BRD4: variants seen among roughly 807,000 people sequenced by gnomAD.
BRD4 encodes the protein bromodomain-containing protein 4.
BRD4 carries 16 observed loss-of-function variants against 142.1 expected under a neutral mutation model. The ratio of observed to expected loss-of-function variants is 0.11; its 90% CI spans 0.08 to 0.17. The LOEUF is 0.17. Among genes scored for constraint, BRD4 ranks in the 10% least tolerant of loss-of-function variants. The probability of loss-of-function intolerance (pLI) is 1.00; values close to 1 mark genes in which losing one functional copy is unlikely to be tolerated. For missense variants in BRD4, 1,424 were observed against 1,810.9 expected (o/e 0.79, Z 3.88); for synonymous variants, 833 against 707.5 (o/e 1.18, Z -2.82).
intron 2 of BRD4, among the ~76,000 whole-genome samples, chr19:15,269,698 C>T (rs1365999409): frequency 2.6e-5 from 4 of 152,158 alleles, no homozygotes; most frequent in Middle Eastern, 3.2e-3. Flanking sequence ...TCTGGACAGC[C>T]TTCACAATCC....
At chr19:15,246,839 G>T (rs1028375736) in intron 11 of BRD4, among the ~76,000 whole-genome samples, 2 of 152,308 alleles carry the variant, frequency 1.3e-5, no homozygotes, top group East Asian at 1.9e-4. Flanking sequence ...CCTAAAAAGT[G>T]GGGGAGAGAA....
intron 1 of BRD4, among the ~76,000 whole-genome samples, chr19:15,298,603 A>C: frequency 8.8e-6 from 1 of 114,084 alleles, no homozygotes; most frequent in Non-Finnish European, 1.7e-5. Context: ...CCTGGGCAAC[A>C]GGGCGAGACT....
chr19:15,330,804 T>C (rs1490860579), intron 1 of BRD4, among the ~76,000 whole-genome samples: 2 of 152,152 alleles, frequency 1.3e-5, no homozygotes. Context: ...ATAAAACAGA[T>C]TGTGCCATCA....
At position 15,235,555 on chromosome 19, in the gene BRD4, T is replaced by C. The variant is rs2047186280; in HGVS notation, c.*2822A>G. The C allele has an allele frequency of 7.6e-6, 1 of 130,866 alleles. No homozygotes were observed. The highest frequency in any genetic ancestry group is 8.3e-5 in the Admixed American group (1 of 12,036). The allele number at this position is 130,866 out of a possible 1,614,324, so 8.1% of individuals were successfully genotyped here. ...TCAGTACAAATGTTTATTTTTGCAA[T>C]GAGAACTGCACAAAAAAAAAAAAAA... On this transcript the variant is annotated 3_prime_UTR_variant, in exon 20 of 20. Transcript: ENST00000679869.
chr19:15,270,689 A>G (rs913159837), intron 2 of BRD4, among the ~76,000 whole-genome samples: 3 of 152,280 alleles, frequency 2.0e-5, no homozygotes. Context: ...AATGCGGGTG[A>G]AGACCTAGAA....
chr19:15,328,467 A>G (rs1641076114), intron 1 of BRD4, among the ~76,000 whole-genome samples: 1 of 152,218 alleles, frequency 6.6e-6, no homozygotes, highest in African/African-American at 2.4e-5. Flanking sequence ...TAGTGCATGG[A>G]AACACACTGC....
intron 1 of BRD4, among the ~76,000 whole-genome samples, chr19:15,292,603 C>A (rs1484198055): frequency 6.6e-6 from 1 of 151,600 alleles, no homozygotes; most frequent in East Asian, 1.9e-4. Flanking sequence ...ATGGTGAAAC[C>A]CCGTCTGTAC....
At position 15,289,676 on chromosome 19, in the gene BRD4, AG is replaced by A. The variant is rs1477675620; in HGVS notation, c.-34-16544del. ...TTGCGGTTTTGATCCAAAAAAAAAA[AG>A]AAAAAAAAAAGCCAAAACAGCAGTT... On this transcript the variant is annotated intron_variant, in intron 1 of 19. Coordinates refer to ENST00000679869, the MANE Select transcript of BRD4 (RefSeq NM_001379291.1). Among the ~76,000 whole-genome samples the A allele has an allele frequency of 1.3e-3, 201 of 149,408 alleles. 1 individual carries two copies. Among genetic ancestry groups the A allele is most frequent in the Non-Finnish European group, 2.1e-3 (138 of 67,014 alleles).
chr19:15,265,740 T>C (rs2047528004), intron 4 of BRD4, 97 bp from the exon 5 acceptor site: 2 of 1,318,030 alleles, frequency 1.5e-6, no homozygotes, highest in African/African-American at 1.4e-5. Flanking sequence ...TGAACGCACA[T>C]TCGCGTGTTG....
At chr19:15,330,682 G>A (rs2048149223) in intron 1 of BRD4, among the ~76,000 whole-genome samples, 1 of 152,112 alleles carries the variant, frequency 6.6e-6, no homozygotes, top group African/African-American at 2.4e-5. Flanking sequence ...CAGGAGAATC[G>A]CTTGAACCCA....
At chr19:15,282,862 G>A (rs1410497362) in intron 1 of BRD4, among the ~76,000 whole-genome samples, 2 of 152,158 alleles carry the variant, frequency 1.3e-5, no homozygotes, top group African/African-American at 4.8e-5. Flanking sequence ...CAGCTCTTAG[G>A]AGGCTCAGGT....
chr19:15,255,180 T>A, intron 10 of BRD4, 117 bp downstream of exon 10: 1 of 1,030,664 alleles, frequency 9.7e-7, no homozygotes, highest in Non-Finnish European at 1.4e-6. Flanking sequence ...AACACAGATA[T>A]TATAATTGGA....
intron 11 of BRD4, among the ~76,000 whole-genome samples, chr19:15,251,438 C>G (rs979092843): frequency 4.2e-4 from 3 of 7,084 alleles, no homozygotes; most frequent in East Asian, 3.4e-3. Flanking sequence ...AACACAAGAA[C>G]GGGGGGGGGG....
In BRD4 at chr19:15,237,231, A is replaced by G. The variant is rs1396678846; in HGVS notation, c.*1146T>C. 1 of 91,358 alleles carries G rather than the reference A, an allele frequency of 1.1e-5. No individual in the cohort carries two copies. Among genetic ancestry groups the G allele is most frequent in the African/African-American group, 4.6e-5 (1 of 21,908 alleles). The allele number at this position is 91,358 out of a possible 1,614,324, so 5.7% of individuals were successfully genotyped here. On this transcript the variant is annotated 3_prime_UTR_variant, in exon 20 of 20. Transcript: ENST00000679869. ...CAGATCTGACATTAAAAAACAAAAA[A>G]GCCAACAAATGGGTGGGGGGGGGGG...
chr19:15,263,247 C>T (rs918033681), intron 7 of BRD4, among the ~76,000 whole-genome samples, 173 bp downstream of exon 7: 7 of 152,210 alleles, frequency 4.6e-5, no homozygotes, highest in Non-Finnish European at 1.0e-4. Context: ...AATTGAATAA[C>T]CCCAACTTAA....
intron 1 of BRD4, among the ~76,000 whole-genome samples, chr19:15,275,163 G>C (rs2047633179): frequency 6.6e-6 from 1 of 152,140 alleles, no homozygotes. Flanking sequence ...CCGGACAGAA[G>C]CTGAATTTTC....
chr19:15,254,103 CA>C (rs1568382928), intron 11 of BRD4, 48 bp downstream of exon 11: 6 of 1,505,670 alleles, frequency 4.0e-6, no homozygotes, highest in Non-Finnish European at 5.5e-6. Flanking sequence ...TAGTGCCAGG[CA>C]CAGGTGGGAA....
intron 11 of BRD4, chr19:15,249,402 T>A: frequency 6.3e-7 from 1 of 1,576,250 alleles, no homozygotes; most frequent in Non-Finnish European, 8.6e-7. Flanking sequence ...CCCTGGTGGC[T>A]GATGGGCACA....
rs34362023 is a variant in BRD4, at chr19:15,255,552, T to A, written c.1792A>T (p.Thr598Ser). 42 of 1,610,996 alleles carry A rather than the reference T, an allele frequency of 2.6e-5. No homozygotes were observed. Among genetic ancestry groups the A allele is most frequent in the Admixed American group, 5.0e-5 (3 of 59,946 alleles). Residue 598 changes from threonine to serine, a missense_variant, in exon 10 of 20, where the codon ACG becomes TCG. Around this residue, in one of 16 missense-constraint regions of BRD4, gnomAD observed 86 missense variants for 78.9 expected, o/e 1.09. Transcript: ENST00000679869. ...TTGTCCTCTTCCTCCGACTCATACG[T>A]GGGAGGGGGCTTGCTCTTCATGGGC... ...PAPMKSKPPP[T>S]YESEEEDKCK...
Sources: gnomAD v4.1 joint callset for allele counts (sites outside exome capture counted in the v4.1 genomes callset) on GRCh38, gnomAD v4.1.1 for gene constraint, gnomAD v4.1.1 regional missense constraint, MANE v1.5 for transcripts, NCBI Gene and HGNC (gene_info 2026-07-23, HGNC 2026-07-21) for gene names.